CCSER1: variants seen among roughly 807,000 people sequenced by gnomAD.
CCSER1 encodes coiled-coil serine rich protein 1.
CCSER1 carries 41 observed loss-of-function variants against 82.0 expected under a neutral mutation model. The ratio of observed to expected loss-of-function variants is 0.50; its 90% CI spans 0.39 to 0.65. The LOEUF is 0.65. Among genes scored for constraint, CCSER1 ranks in the 30% least tolerant of loss-of-function variants. CCSER1 has a pLI of 0.00. For synonymous variants in CCSER1, 414 were observed against 383.9 expected (o/e 1.08, Z -0.92); for missense variants, 1,119 against 1,064.2 (o/e 1.05, Z -0.72).
chr4:90,494,317 G>A (rs1344033733), intron 5 of CCSER1, among the ~76,000 whole-genome samples: 1 of 152,078 alleles, frequency 6.6e-6, no homozygotes, highest in Non-Finnish European at 1.5e-5. Context: ...ATAATAATGG[G>A]AGACTTTAAC....
chr4:90,303,940 C>G (rs146025007), intron 1 of CCSER1, among the ~76,000 whole-genome samples: 4,764 of 152,042 alleles, frequency 0.031, 185 homozygotes, highest in African/African-American at 0.095. Flanking sequence ...ACAATGAACT[C>G]AAACAAATTT....
intron 10 of CCSER1, among the ~76,000 whole-genome samples, chr4:91,457,591 T>G (rs6858278): frequency 0.84 from 127,460 of 152,124 alleles, 53,876 homozygotes; most frequent in African/African-American, 0.94. Flanking sequence ...GATTGCTTGA[T>G]ACCAGGAGGT....
intron 10 of CCSER1, among the ~76,000 whole-genome samples, chr4:91,189,472 G>T (rs1422245044): frequency 2.6e-5 from 4 of 152,148 alleles, no homozygotes; most frequent in Non-Finnish European, 5.9e-5. Flanking sequence ...TGGAGTCATT[G>T]TCTAACCTGA....
chr4:90,297,675 C>T (rs1732239476), intron 1 of CCSER1, among the ~76,000 whole-genome samples: 1 of 151,634 alleles, frequency 6.6e-6, no homozygotes, highest in Admixed American at 6.6e-5. Flanking sequence ...CCCATCAACA[C>T]CTAATTTATT....
At chr4:91,085,273 T>C (rs576099525) in intron 9 of CCSER1, among the ~76,000 whole-genome samples, 1 of 152,276 alleles carries the variant, frequency 6.6e-6, no homozygotes, top group Non-Finnish European at 1.5e-5. Flanking sequence ...TTTTTAAATT[T>C]GTGTTCTCCA....
At chr4:90,232,551 A>G (rs1744818414) in intron 1 of CCSER1, among the ~76,000 whole-genome samples, 1 of 149,958 alleles carries the variant, frequency 6.7e-6, no homozygotes, top group Non-Finnish European at 1.5e-5. Context: ...ACCATTCAGG[A>G]CATAGGCATG....
At chr4:91,590,390 A>G (rs1378036533) in intron 10 of CCSER1, among the ~76,000 whole-genome samples, 1 of 152,146 alleles carries the variant, frequency 6.6e-6, no homozygotes, top group African/African-American at 2.4e-5. Context: ...CAAAGCAGTA[A>G]CTACTTCTTT....
chr4:91,049,964 T>C (rs1209777244), intron 9 of CCSER1, among the ~76,000 whole-genome samples: 1 of 152,200 alleles, frequency 6.6e-6, no homozygotes, highest in Non-Finnish European at 1.5e-5. Flanking sequence ...CTAATCAGAA[T>C]AGTTACTTCT....
At chr4:91,357,127 G>A (rs1002721287) in intron 10 of CCSER1, among the ~76,000 whole-genome samples, 1 of 152,130 alleles carries the variant, frequency 6.6e-6, no homozygotes, top group Non-Finnish European at 1.5e-5. Context: ...TGATCCTCTA[G>A]TAAAATGAAT....
At chr4:90,352,011 A>G (rs567213071) in intron 3 of CCSER1, among the ~76,000 whole-genome samples, 21 of 152,228 alleles carry the variant, frequency 1.4e-4, no homozygotes, top group African/African-American at 5.1e-4. Context: ...ATATTTCTAA[A>G]TCTATGTTCT....
At chr4:90,692,131 T>C (rs1022257090) in intron 6 of CCSER1, among the ~76,000 whole-genome samples, 2 of 150,974 alleles carry the variant, frequency 1.3e-5, no homozygotes, top group Admixed American at 6.6e-5. Context: ...TTTATGAAGG[T>C]ATTTCTCATT....
intron 4 of CCSER1, among the ~76,000 whole-genome samples, chr4:90,424,292 G>T (rs1036190599): frequency 6.6e-6 from 1 of 151,976 alleles, no homozygotes; most frequent in Non-Finnish European, 1.5e-5. Flanking sequence ...ATCCATAGGG[G>T]TGATTTATTA....
intron 5 of CCSER1, among the ~76,000 whole-genome samples, chr4:90,548,865 A>G (rs1432143265): frequency 1.3e-5 from 2 of 151,992 alleles, no homozygotes; most frequent in Non-Finnish European, 2.9e-5. Context: ...GTTCAAAAGA[A>G]TCGTTTGAAA....
At chr4:90,991,232 C>T (rs1737002144) in intron 9 of CCSER1, among the ~76,000 whole-genome samples, 2 of 151,842 alleles carry the variant, frequency 1.3e-5, no homozygotes, top group Admixed American at 1.3e-4. Flanking sequence ...TTAAGCCACT[C>T]ATATCCTAAG....
chr4:91,209,984 A>T (rs1420505404), intron 10 of CCSER1, among the ~76,000 whole-genome samples: 1 of 151,746 alleles, frequency 6.6e-6, no homozygotes, highest in Non-Finnish European at 1.5e-5. Flanking sequence ...ATTCTCTACT[A>T]AAATAAACAA....
chr4:91,081,209 C>T (rs1722691569), intron 9 of CCSER1, among the ~76,000 whole-genome samples: 1 of 152,104 alleles, frequency 6.6e-6, no homozygotes, highest in South Asian at 2.1e-4. Context: ...GCTTATCCAC[C>T]ACGATCAAGT....
chr4:90,914,643 C>A (rs1174978667), intron 8 of CCSER1, among the ~76,000 whole-genome samples: 1 of 146,044 alleles, frequency 6.8e-6, no homozygotes, highest in Non-Finnish European at 1.5e-5. Flanking sequence ...TAACTAAGAT[C>A]AGAGCAGAAT....
intron 10 of CCSER1, among the ~76,000 whole-genome samples, chr4:91,176,565 T>G (rs554150223): frequency 9.8e-5 from 15 of 152,304 alleles, no homozygotes; most frequent in African/African-American, 3.6e-4. Flanking sequence ...CTAGGTATTT[T>G]ATTCTCTTTG....
chr4:90,730,317 T>C (rs1021965887), intron 7 of CCSER1, among the ~76,000 whole-genome samples: 9 of 152,164 alleles, frequency 5.9e-5, no homozygotes, highest in Admixed American at 3.3e-4. Context: ...AATGTAATGG[T>C]CTCTCTTAGT....
Sources: gnomAD v4.1 joint callset for allele counts (sites outside exome capture counted in the v4.1 genomes callset) on GRCh38, gnomAD v4.1.1 for gene constraint, MANE v1.5 for transcripts, NCBI Gene and HGNC (gene_info 2026-07-23, HGNC 2026-07-21) for gene names.